The following CDON variants were observed in gnomAD, a reference collection of about 807,000 sequenced individuals.
CDON encodes cell adhesion molecule-related/down-regulated by oncogenes.
CDON carries 73 observed loss-of-function variants against 120.9 expected under a neutral mutation model. The observed-to-expected ratio is 0.60, with a 90% CI of 0.50 to 0.73. The LOEUF is 0.73. CDON is among the 30% of genes least tolerant of loss of function. CDON has a pLI of 0.00. For synonymous variants in CDON, 566 were observed against 573.5 expected, an observed-to-expected ratio of 0.99 and a Z score of 0.19; for missense variants, 1,470 against 1,587.3, an observed-to-expected ratio of 0.93 and a Z score of 1.26.
chr11:125,983,824 T>C (rs1946382189), intron 16 of CDON, 48 bp downstream of exon 16: 1 of 1,333,082 alleles, frequency 7.5e-7, no homozygotes, highest in Non-Finnish European at 1.1e-6. Flanking sequence ...ACAATATTTG[T>C]CTACCCACCT....
intron 1 of CDON, among the ~76,000 whole-genome samples, chr11:126,027,260 G>A (rs534881733): frequency 5.3e-5 from 8 of 152,254 alleles, no homozygotes; most frequent in South Asian, 2.1e-4. Context: ...TGGGTAGCTC[G>A]ACATTAGAGT....
At chr11:125,965,884 C>A (rs909518103) in intron 18 of CDON, among the ~76,000 whole-genome samples, 1 of 152,136 alleles carries the variant, frequency 6.6e-6, no homozygotes, top group African/African-American at 2.4e-5. Context: ...CCTGTAATCC[C>A]GGCACTTTGG....
rs543677885 is a variant in CDON, at chr11:125,961,984, G to T, written c.3371C>A (p.Thr1124Asn). Residue 1124 changes from threonine to asparagine, a missense_variant, in exon 19 of 20, where the codon ACC (threonine) becomes AAC (asparagine). By Grantham distance (65) the Thr-to-Asn change is moderately conservative. Coordinates refer to ENST00000531738, the MANE Select transcript of CDON (RefSeq NM_001378964.1). ...AGGGCTGCTGCTGAAAGTGCTGTTG[G>T]TTTTGGTGAAACACCTGCAGAGGTT... ...CRNNNRCFTKTNSTFSSSPPP... is the reference protein window; with the variant it reads ...CRNNNRCFTKNNSTFSSSPPP... The T allele has an allele frequency of 6.2e-7, 1 of 1,614,140 alleles. No individual in the cohort carries two copies.
chr11:126,029,210 T>A (rs934761302), intron 1 of CDON, among the ~76,000 whole-genome samples: 2 of 152,300 alleles, frequency 1.3e-5, no homozygotes, highest in Non-Finnish European at 2.9e-5. Context: ...GGGATTTTTT[T>A]AAACAATATT....
At chr11:126,008,143 G>A (rs1025612837) in intron 8 of CDON, among the ~76,000 whole-genome samples, 1 of 152,032 alleles carries the variant, frequency 6.6e-6, no homozygotes, top group Admixed American at 6.6e-5. Flanking sequence ...TAGTTTTAAA[G>A]AGTACCACAC....
intron 15 of CDON, among the ~76,000 whole-genome samples, chr11:125,987,784 G>A (rs550332407): frequency 9.9e-5 from 15 of 152,206 alleles, no homozygotes; most frequent in African/African-American, 2.6e-4. Context: ...ACATCACAGC[G>A]TCTGGTCCAA....
At position 126,010,592 on chromosome 11, in the gene CDON, G is replaced by A. The variant is rs770242229; in HGVS notation, c.1301C>T (p.Pro434Leu). The A allele has an allele frequency of 1.4e-5, 23 of 1,614,026 alleles. No homozygotes were observed. Among genetic ancestry groups the A allele is most frequent in the African/African-American group, 9.3e-5 (7 of 74,912 alleles). Residue 434 changes from proline to leucine, a missense_variant, in exon 8 of 20, where the codon CCG becomes CTG. Physicochemically the swap from Pro to Leu is moderately conservative, Grantham distance 98. Transcript: ENST00000531738. ...LSCNASGLPV[P>L]VIRWYDSHGL... ...ATGGCTGTCATACCAACGAATGACC[G>A]GAACCGGCAGCCCACTGGCATTGCA... is the stretch of plus-strand genomic sequence containing the variant.
chr11:125,990,068 T>G (rs1591360257), intron 14 of CDON, among the ~76,000 whole-genome samples: 1 of 151,974 alleles, frequency 6.6e-6, no homozygotes, highest in Non-Finnish European at 1.5e-5. Flanking sequence ...CATGTTAATT[T>G]CATGCATAGG....
intron 1 of CDON, among the ~76,000 whole-genome samples, chr11:126,025,295 G>A (rs556893892): frequency 6.6e-5 from 10 of 152,290 alleles, no homozygotes; most frequent in Admixed American, 3.9e-4. Context: ...ATGAGAAGCA[G>A]AGTAAGATGA....
At chr11:126,051,647 T>C (rs1400915592) in intron 1 of CDON, among the ~76,000 whole-genome samples, 11 of 132,786 alleles carry the variant, frequency 8.3e-5, no homozygotes. Context: ...ATAGCTATTT[T>C]TTTTCTTTTT....
At chr11:126,001,279 T>C (rs608721) in intron 11 of CDON, among the ~76,000 whole-genome samples, 51,635 of 150,906 alleles carry the variant, frequency 0.34, 9,103 homozygotes, top group African/African-American at 0.38. Context: ...CATCTTCCTC[T>C]CAGACTCAAG....
chr11:126,008,481 C>T (rs1947192493), intron 8 of CDON, among the ~76,000 whole-genome samples: 1 of 152,164 alleles, frequency 6.6e-6, no homozygotes, highest in Non-Finnish European at 1.5e-5. Context: ...TTTATCGAGA[C>T]ATAAAATCCT....
At chr11:125,965,909 C>T (rs374999618) in intron 18 of CDON, among the ~76,000 whole-genome samples, 10 of 152,256 alleles carry the variant, frequency 6.6e-5, no homozygotes, top group South Asian at 2.1e-4. Flanking sequence ...CCGAGGCAGA[C>T]GGATCACCTG....
chr11:125,999,863 C>A (rs182606462), intron 11 of CDON, among the ~76,000 whole-genome samples: 2 of 152,338 alleles, frequency 1.3e-5, no homozygotes, highest in African/African-American at 4.8e-5. Flanking sequence ...TCACACAAGG[C>A]ATTCCCCACA....
intron 15 of CDON, among the ~76,000 whole-genome samples, chr11:125,984,339 C>A (rs1380256961): frequency 6.6e-6 from 1 of 152,182 alleles, no homozygotes; most frequent in African/African-American, 2.4e-5. Context: ...TGGTCTAATC[C>A]AAACTGCTAT....
At chr11:126,041,412 C>G (rs11220321) in intron 1 of CDON, among the ~76,000 whole-genome samples, 1 of 152,052 alleles carries the variant, frequency 6.6e-6, no homozygotes, top group African/African-American at 2.4e-5. Context: ...CTCTAAGGAT[C>G]TGTAGCCAAA....
At chr11:126,042,953 T>C (rs940279762) in intron 1 of CDON, among the ~76,000 whole-genome samples, 1 of 152,184 alleles carries the variant, frequency 6.6e-6, no homozygotes, top group African/African-American at 2.4e-5. Flanking sequence ...GGCAGGAGAA[T>C]AGGGTCTGGA....
intron 2 of CDON, among the ~76,000 whole-genome samples, chr11:126,022,007 T>G (rs1591396593): frequency 1.4e-5 from 2 of 139,648 alleles, no homozygotes; most frequent in South Asian, 4.5e-4. Flanking sequence ...GAGGCTGAGG[T>G]GGGAGGATTG....
intron 11 of CDON, among the ~76,000 whole-genome samples, chr11:126,000,062 C>T (rs616934): frequency 0.61 from 92,097 of 151,634 alleles, 28,088 homozygotes; most frequent in Admixed American, 0.63. Context: ...CTTGTCTACA[C>T]TGAGTGACTG....
Sources: allele counts gnomAD v4.1 joint callset (sites outside exome capture counted in the v4.1 genomes callset), GRCh38; gene constraint gnomAD v4.1.1; transcripts MANE v1.5; gene names NCBI Gene and HGNC (gene_info 2026-07-23, HGNC 2026-07-21).